The following HGS variants were observed in gnomAD, a reference collection of about 807,000 sequenced individuals.
The protein encoded by HGS is hepatocyte growth factor-regulated tyrosine kinase substrate.
A neutral mutation model predicts 109.7 loss-of-function variants in HGS; 63 were observed. The ratio of observed to expected loss-of-function variants is 0.57; its 90% CI spans 0.47 to 0.71. HGS has a LOEUF of 0.71. HGS is among the 30% of genes least tolerant of loss of function. The pLI is 0.00. For missense variants in HGS, 995 were observed against 1,068.3 expected (o/e 0.93, Z 0.96); for synonymous variants, 546 against 437.3 (o/e 1.25, Z -3.10).
intron 20 of HGS, 107 bp from the exon 21 acceptor site, chr17:81,700,938 T>C: frequency 1.3e-6 from 2 of 1,523,498 alleles, no homozygotes; most frequent in East Asian, 2.3e-5. Context: ...CCCCCTCCAC[T>C]CTCTGGGTGC....
chr17:81,690,664 C>T lies in HGS; in HGVS notation c.469-10C>T, dbSNP rs756701941. On this transcript the variant is annotated splice_polypyrimidine_tract_variant and intron_variant, in intron 6 of 21. Coordinates refer to ENST00000329138, the MANE Select transcript of HGS (RefSeq NM_004712.5). Reference sequence around the variant, plus strand: ...GGAAGCGTGTGGTCCTGACTGCTGCCCCTCCTCAGGCCCCAGACTGGGTGG... The same window carrying T: ...GGAAGCGTGTGGTCCTGACTGCTGCTCCTCCTCAGGCCCCAGACTGGGTGG... 21 of 1,610,850 alleles carry T rather than the reference C, an allele frequency of 1.3e-5. No homozygotes were observed. The South Asian group carries it at 2.0e-4, about 15-fold the overall frequency.
chr17:81,691,390 G>A lies in HGS; in HGVS notation c.538-57G>A. 1 of 1,607,658 alleles carries A rather than the reference G, an allele frequency of 6.2e-7. No individual in the cohort carries two copies. Among genetic ancestry groups the A allele is most frequent in the East Asian group, 2.2e-5 (1 of 44,778 alleles). ...ATCGTACGGGGTGGTTCTGGGCCGG[G>A]TGGCGCATCAGGGTCCCCCAGTGCC... On this transcript the variant is annotated intron_variant, in intron 7 of 21. Transcript: ENST00000329138. The surrounding 1 kb of genome is among the most constrained non-coding windows in gnomAD (Gnocchi z 5.3).
intron 1 of HGS, chr17:81,685,064 TGAC>T (rs1792373555): frequency 1.0e-6 from 1 of 985,386 alleles, no homozygotes; most frequent in South Asian, 4.7e-5. Context: ...TGTGGTATGA[TGAC>T]AGGTATGCTG....
chr17:81,700,831 G>A lies in HGS; in HGVS notation c.2136+17G>A. 1 of 1,605,490 alleles carries A rather than the reference G, an allele frequency of 6.2e-7. No homozygotes were observed. Among genetic ancestry groups the A allele is most frequent in the Admixed American group, 1.7e-5 (1 of 59,472 alleles). On this transcript the variant is annotated intron_variant, in intron 20 of 21. Transcript: ENST00000329138. Reference sequence around the variant, plus strand: ...AACATGCAGGTACAGTGACCTCCAGGCCCTGCTGGGGGCCAGGGTGGGGGA... The same window carrying A: ...AACATGCAGGTACAGTGACCTCCAGACCCTGCTGGGGGCCAGGGTGGGGGA...
At chr17:81,694,504 A>C (rs2037114239) in intron 11 of HGS, among the ~76,000 whole-genome samples, 11 of 152,040 alleles carry the variant, frequency 7.2e-5, no homozygotes, top group Admixed American at 7.2e-4. Flanking sequence ...CTGGGGCCCC[A>C]CACGCTGGAC....
rs1199632972 is a variant in HGS at position 81,686,455 on chromosome 17, A to G, written c.198+68A>G. The G allele has an allele frequency of 2.5e-6, 3 of 1,187,986 alleles. No individual in the cohort carries two copies. In the Admixed American group the frequency reaches 5.3e-5, roughly 21 times the overall value. The allele number at this position is 1,187,986 out of a possible 1,614,324, so 73.6% of individuals were successfully genotyped here. A position where few individuals can be genotyped will look rare whatever the true frequency, so the allele number is the denominator to read the frequency against. ...CCCCTACTAGTCACGACAGCATGAG[A>G]AGAGTTTGTCCTGTGGCCTTGCCCA... On this transcript the variant is annotated intron_variant, in intron 3 of 21. Coordinates refer to ENST00000329138, the MANE Select transcript of HGS (RefSeq NM_004712.5).
At chr17:81,694,058 G>A in intron 11 of HGS, 93 bp downstream of exon 11, 1 of 1,098,566 alleles carries the variant, frequency 9.1e-7, no homozygotes, top group Non-Finnish European at 1.3e-6. Flanking sequence ...CAGGTTGGTG[G>A]GGGATGCGGG....
In HGS at chr17:81,684,093, G is replaced by A. The variant is rs148743956; in HGVS notation, c.27G>A (p.Glu9=). ...TGGGGCGAGGCAGCGGCACCTTCGA[G>A]CGTCTCCTAGGTAACGCGTCCCCAC... is the stretch of plus-strand genomic sequence containing the variant. MGRGSGTF[E]RLLDKATSQL... is the part of the protein sequence containing the mutation. The change falls in exon 1 of 22, where the codon GAG becomes GAA. Residue 9 remains glutamate (E), a synonymous_variant. Transcript: ENST00000329138. 720 of 1,591,858 alleles carry A rather than the reference G, an allele frequency of 4.5e-4. 3 individuals are homozygous for A. In the African/African-American group the frequency reaches 8.4e-3, roughly 19 times the overall value.
intron 18 of HGS, among the ~76,000 whole-genome samples, chr17:81,699,622 T>C (rs566017464): frequency 9.5e-4 from 145 of 152,256 alleles, no homozygotes; most frequent in Middle Eastern, 3.4e-3. Flanking sequence ...GACAGGGTTT[T>C]ACTATGTTAG....
In HGS at chr17:81,697,188, C is replaced by T. The variant is rs187548058; in HGVS notation, c.1882+190C>T. The stretch of plus-strand genomic sequence containing the variant: ...TTTCCTGCTGGAGCCGTGTTTCAGT[C>T]CGTGCGTGGCAGGTACTGCCCTCTC... On this transcript the variant is annotated intron_variant, in intron 18 of 21. Transcript: ENST00000329138. 5 of 645,180 alleles carry T rather than the reference C, an allele frequency of 7.7e-6. No individual in the cohort carries two copies. In the East Asian group the frequency reaches 8.5e-5, roughly 11 times the overall value. 40.0% of individuals were successfully genotyped at this position (645,180 alleles called of 1,614,324 possible).
chr17:81,690,517 C>G (rs1192681598), intron 6 of HGS, 157 bp from the exon 7 acceptor site: 1 of 692,000 alleles, frequency 1.4e-6, no homozygotes, highest in South Asian at 2.0e-5. Flanking sequence ...CAGCTTCACC[C>G]CAGGCCACGC....
At chr17:81,696,055 C>G in intron 15 of HGS, 56 bp downstream of exon 15, 1 of 1,434,174 alleles carries the variant, frequency 7.0e-7, no homozygotes, top group Non-Finnish European at 9.3e-7. Flanking sequence ...TTGTGAGCGC[C>G]ATCCTGGGCC....
rs528085647 is a variant in HGS, at chr17:81,693,545, C to T, written c.705C>T (p.Pro235=). 6.2e-6 allele frequency: 10 copies of T among 1,612,990 alleles called. No individual in the cohort carries two copies. Among genetic ancestry groups the T allele is most frequent in the East Asian group, 4.5e-5 (2 of 44,878 alleles). Residue 235 remains proline (P), a synonymous_variant, in exon 9 of 22, where the codon CCC becomes CCT. Transcript: ENST00000329138. ...GKATSTTELP[P]EYLTSPLSQQ... ...CCACTTCCACCACTGAGCTGCCCCC[C>T]GAGTACCTGACCAGCCCCCTGTCTC...
chr17:81,701,147 G>A lies in HGS; in HGVS notation c.2223+16G>A, dbSNP rs756328138. ...GTACCAGCAGGTGAGCCATTCCCGG[G>A]GCCTCACAGCGGCACCCGCAGGGCA... is the stretch of plus-strand genomic sequence containing the variant. On this transcript the variant is annotated intron_variant, in intron 21 of 21. Coordinates refer to ENST00000329138, the MANE Select transcript of HGS (RefSeq NM_004712.5). 3.1e-6 allele frequency: 5 copies of A among 1,610,148 alleles called. No individual in the cohort carries two copies. In the Admixed American group the frequency reaches 5.0e-5, roughly 16 times the overall value.
At position 81,701,825 on chromosome 17, in the gene HGS, GC is replaced by G; in HGVS notation, c.*208del. The G allele has an allele frequency of 2.9e-6, 2 of 700,052 alleles. No homozygotes were observed. Among genetic ancestry groups the G allele is most frequent in the Non-Finnish European group, 4.3e-6 (2 of 463,422 alleles). 43.4% of individuals were successfully genotyped at this position (700,052 alleles called of 1,614,324 possible). ...TTAGTCTCTGCTTTCTTTCCCCAGG[GC>G]TGGGCCATGGGGAGGGAAGGACTTT... is the stretch of plus-strand genomic sequence containing the variant. On this transcript the variant is annotated 3_prime_UTR_variant, in exon 22 of 22. Transcript: ENST00000329138.
In HGS at chr17:81,687,114, T is replaced by C. The variant is rs2144485131; in HGVS notation, c.291+19T>C. On this transcript the variant is annotated intron_variant, in intron 4 of 21. Coordinates refer to ENST00000329138, the MANE Select transcript of HGS (RefSeq NM_004712.5). ...GCTGAAGGTGGGTGAGACGGGGGCATGCGGGTGGCCACCCAGGCTGGCACC... is the reference window on the plus strand; with the variant it reads ...GCTGAAGGTGGGTGAGACGGGGGCACGCGGGTGGCCACCCAGGCTGGCACC... 2.5e-6 allele frequency: 4 copies of C among 1,587,754 alleles called. No individual in the cohort carries two copies. The highest frequency in any genetic ancestry group is 1.1e-5 in the South Asian group (1 of 89,508).
At chr17:81,696,090 C>T (rs965051709) in intron 15 of HGS, 91 bp downstream of exon 15, 2 of 1,158,896 alleles carry the variant, frequency 1.7e-6, no homozygotes, top group South Asian at 3.1e-5. Flanking sequence ...GGGTGCTGAG[C>T]TCTTGTGAGT....
At position 81,688,157 on chromosome 17, in the gene HGS, C is replaced by T. The variant is rs539354471; in HGVS notation, c.292-547C>T. 5.3e-5 allele frequency among the ~76,000 whole-genome samples: 8 copies of T among 151,690 alleles called. 1 individual carries two copies. The highest frequency in any genetic ancestry group is 1.9e-4 in the East Asian group (1 of 5,170). ...TCGCACGCCGTCCTGCACGTCACAC[C>T]GGGACGGCGTCCCCGAGAGGGCCGT... On this transcript the variant is annotated intron_variant, in intron 4 of 21. Transcript: ENST00000329138.
At chr17:81,699,626 A>C (rs1205485809) in intron 18 of HGS, among the ~76,000 whole-genome samples, 1 of 152,064 alleles carries the variant, frequency 6.6e-6, no homozygotes, top group Non-Finnish European at 1.5e-5. Flanking sequence ...GGGTTTTACT[A>C]TGTTAGACAG....
Sources: allele counts gnomAD v4.1 joint callset (sites outside exome capture counted in the v4.1 genomes callset), GRCh38; gene constraint gnomAD v4.1.1; non-coding constraint Gnocchi (gnomAD v3.1); transcripts MANE v1.5; gene names NCBI Gene and HGNC (gene_info 2026-07-23, HGNC 2026-07-21).